The following NRXN3 variants were observed in gnomAD, a reference collection of about 807,000 sequenced individuals.
NRXN3 encodes the protein neurexin III.
NRXN3 carries 32 observed loss-of-function variants against 137.6 expected under a neutral mutation model. The ratio of observed to expected loss-of-function variants is 0.23; its 90% CI spans 0.18 to 0.31. NRXN3 has a LOEUF of 0.31. NRXN3 is among the 10% of genes least tolerant of loss of function. The probability of loss-of-function intolerance (pLI) is 1.00; values close to 1 mark genes in which losing one functional copy is unlikely to be tolerated. For synonymous variants in NRXN3, 798 were observed against 784.5 expected (o/e 1.02, Z -0.29); for missense variants, 1,574 against 2,062.5 (o/e 0.76, Z 4.59).
chr14:79,376,798 A>G (rs2094316019), intron 15 of NRXN3, among the ~76,000 whole-genome samples: 1 of 152,184 alleles, frequency 6.6e-6, no homozygotes, highest in Non-Finnish European at 1.5e-5. Flanking sequence ...ATATGGATAG[A>G]TGTTTCTGAA....
chr14:78,536,069 G>T (rs1166787456), intron 4 of NRXN3, among the ~76,000 whole-genome samples: 1 of 152,120 alleles, frequency 6.6e-6, no homozygotes, highest in Non-Finnish European at 1.5e-5. Flanking sequence ...CATGACAGTT[G>T]TGGTCAGAAC....
chr14:78,399,379 T>A (rs777410610), intron 4 of NRXN3, among the ~76,000 whole-genome samples: 11 of 152,238 alleles, frequency 7.2e-5, no homozygotes, highest in Non-Finnish European at 1.3e-4. Flanking sequence ...CTATTCTCCC[T>A]GAAACAGAAG....
intron 8 of NRXN3, among the ~76,000 whole-genome samples, chr14:78,735,527 A>G (rs1041168892): frequency 6.6e-6 from 1 of 152,158 alleles, no homozygotes; most frequent in Non-Finnish European, 1.5e-5. Flanking sequence ...AGCAGTGTTC[A>G]GGAACCTGTA....
intron 16 of NRXN3, among the ~76,000 whole-genome samples, chr14:79,568,375 A>G (rs541797870): frequency 2.0e-5 from 3 of 152,324 alleles, no homozygotes; most frequent in South Asian, 4.1e-4. Flanking sequence ...TCAATAGTCA[A>G]TATATCCTGA....
intron 16 of NRXN3, among the ~76,000 whole-genome samples, chr14:79,529,316 C>G (rs2097149337): frequency 6.6e-6 from 1 of 152,180 alleles, no homozygotes; most frequent in East Asian, 1.9e-4. Flanking sequence ...TATACAATGT[C>G]TGGAATCTAT....
At chr14:78,657,042 G>A (rs1294836128) in intron 6 of NRXN3, among the ~76,000 whole-genome samples, 5 of 80,368 alleles carry the variant, frequency 6.2e-5, no homozygotes, top group Non-Finnish European at 1.0e-4. Context: ...GTGAGACTCC[G>A]TCTCAAAAAA....
chr14:79,719,843 T>C (rs1224507407), intron 19 of NRXN3, among the ~76,000 whole-genome samples: 1 of 152,130 alleles, frequency 6.6e-6, no homozygotes, highest in Non-Finnish European at 1.5e-5. Context: ...AAAATGAAGA[T>C]AATATGATCA....
rs2094458670 is a variant in NRXN3 at position 79,381,133 on chromosome 14, G to A, written c.3263-86088G>A. On this transcript the variant is annotated intron_variant, in intron 15 of 20. Transcript: ENST00000335750. ...TTAACAGGTGTCTCAAGAAAAAAAT[G>A]TTTCTTAATGAGATCAGTTTGTAAG... Among the ~76,000 whole-genome samples the A allele has an allele frequency of 2.6e-5, 4 of 151,524 alleles. No homozygotes were observed. In the South Asian group the frequency reaches 8.3e-4, roughly 32 times the overall value.
At chr14:78,174,201 G>C (rs10145597) in intron 1 of NRXN3, among the ~76,000 whole-genome samples, 4,554 of 152,158 alleles carry the variant, frequency 0.03, 231 homozygotes, top group African/African-American at 0.1. Context: ...ATATGTTTGC[G>C]GTACATTGGA....
chr14:78,746,414 G>A (rs1269891002), intron 8 of NRXN3, among the ~76,000 whole-genome samples: 2 of 152,166 alleles, frequency 1.3e-5, no homozygotes, highest in Non-Finnish European at 2.9e-5. Context: ...AACTCTATGT[G>A]TTGACCTTTA....
intron 15 of NRXN3, among the ~76,000 whole-genome samples, chr14:79,010,310 G>T (rs771094819): frequency 1.3e-5 from 2 of 152,022 alleles, no homozygotes; most frequent in African/African-American, 2.4e-5. Flanking sequence ...TTAGCTCAGG[G>T]GTGGGTTTTG....
At chr14:79,139,137 G>T (rs1306811207) in intron 15 of NRXN3, among the ~76,000 whole-genome samples, 3 of 152,200 alleles carry the variant, frequency 2.0e-5, no homozygotes, top group Admixed American at 6.5e-5. Context: ...TTTGAAATAA[G>T]AACATTGGAG....
chr14:79,545,295 G>A (rs1194318538), intron 16 of NRXN3, among the ~76,000 whole-genome samples: 2 of 152,116 alleles, frequency 1.3e-5, no homozygotes, highest in Non-Finnish European at 2.9e-5. Context: ...GGGGCCTCTC[G>A]GGAACAATCT....
intron 15 of NRXN3, among the ~76,000 whole-genome samples, chr14:79,024,984 T>C (rs952759997): frequency 6.6e-6 from 1 of 152,146 alleles, no homozygotes; most frequent in Non-Finnish European, 1.5e-5. Context: ...TCCTACAGTA[T>C]AAATGAGAAG....
intron 15 of NRXN3, among the ~76,000 whole-genome samples, chr14:79,331,486 C>T (rs539156256): frequency 1.3e-5 from 2 of 152,284 alleles, no homozygotes; most frequent in South Asian, 4.1e-4. Context: ...GGAACAATCA[C>T]ATTTAAAAGA....
chr14:79,291,533 T>A (rs2083201070), intron 15 of NRXN3, among the ~76,000 whole-genome samples: 1 of 151,016 alleles, frequency 6.6e-6, no homozygotes. Flanking sequence ...TTTCCCACTT[T>A]AAAGAGGCAG....
chr14:79,775,759 C>T (rs539826003), intron 19 of NRXN3, among the ~76,000 whole-genome samples: 1 of 152,054 alleles, frequency 6.6e-6, no homozygotes, highest in Non-Finnish European at 1.5e-5. Context: ...GTAGAGGATT[C>T]TCATGTTATG....
rs1346708008 is a variant in NRXN3, at chr14:79,861,109, T to A, written c.4094-233T>A. 6.8e-7 allele frequency: 1 copy of A among 1,468,220 alleles called. No individual in the cohort carries two copies. The highest frequency in any genetic ancestry group is 2.4e-5 in the Admixed American group (1 of 42,278). 90.9% of individuals were successfully genotyped at this position (1,468,220 alleles called of 1,614,324 possible). On this transcript the variant is annotated intron_variant, in intron 20 of 20. Transcript: ENST00000335750. The surrounding 1 kb of genome is among the most constrained non-coding windows in gnomAD (Gnocchi z 5.4). ...CCCCTCCTATTGCTACTCGTGCACCTTCCATTACACTCCCCCCTACCTTTC... is the reference window on the plus strand; with the variant it reads ...CCCCTCCTATTGCTACTCGTGCACCATCCATTACACTCCCCCCTACCTTTC...
chr14:78,234,565 G>A lies in NRXN3; in HGVS notation c.-703-7826G>A, dbSNP rs116465245. ...ATGCCTTTAACCACTACATTATCCCGCCTGCATGAGAGGGGCACTCATCCT... is the reference window on the plus strand; with the variant it reads ...ATGCCTTTAACCACTACATTATCCCACCTGCATGAGAGGGGCACTCATCCT... On this transcript the variant is annotated intron_variant, in intron 1 of 20. Coordinates refer to ENST00000335750, the MANE Select transcript of NRXN3 (RefSeq NM_001330195.2). Among the ~76,000 whole-genome samples, 1,125 of 152,184 alleles carry A rather than the reference G, an allele frequency of 7.4e-3. 15 individuals carry two copies. Among genetic ancestry groups the A allele is most frequent in the African/African-American group, 0.026 (1,079 of 41,524 alleles).
Sources: gnomAD v4.1 joint callset for allele counts (sites outside exome capture counted in the v4.1 genomes callset) on GRCh38, gnomAD v4.1.1 for gene constraint, Gnocchi (gnomAD v3.1) non-coding constraint, MANE v1.5 for transcripts, NCBI Gene and HGNC (gene_info 2026-07-23, HGNC 2026-07-21) for gene names.